The following CHRM3 variants were observed in gnomAD, a reference collection of about 807,000 sequenced individuals.
CHRM3 encodes the protein muscarinic acetylcholine receptor M3.
Under a neutral mutation model 41.8 loss-of-function variants are expected in CHRM3, and 11 were observed. The ratio of observed to expected loss-of-function variants is 0.26; its 90% CI spans 0.17 to 0.44. The LOEUF (loss-of-function observed/expected upper bound fraction) is 0.44. Among genes scored for constraint, CHRM3 ranks in the 20% least tolerant of loss-of-function variants. CHRM3 has a pLI of 1.00. For missense variants in CHRM3, 571 were observed against 745.4 expected, an observed-to-expected ratio of 0.77 and a Z score of 2.72; for synonymous variants, 297 against 301.4, an observed-to-expected ratio of 0.99 and a Z score of 0.15.
chr1:239,573,129 C>T (rs554742791), intron 3 of CHRM3, among the ~76,000 whole-genome samples: 19 of 152,258 alleles, frequency 1.2e-4, no homozygotes, highest in African/African-American at 4.1e-4. Flanking sequence ...CCCATCGCCA[C>T]GAGGCTGCCT....
intron 2 of CHRM3, among the ~76,000 whole-genome samples, chr1:239,504,907 TGGG>T (rs1668467308): frequency 6.7e-6 from 1 of 148,984 alleles, no homozygotes; most frequent in African/African-American, 2.5e-5. Flanking sequence ...TTTGGGGACT[TGGG>T]GGGAAGGGTG....
chr1:239,570,251 C>T (rs551698312), intron 3 of CHRM3, among the ~76,000 whole-genome samples: 1 of 152,256 alleles, frequency 6.6e-6, no homozygotes, highest in Admixed American at 6.5e-5. Context: ...TTCTGTCCTT[C>T]CTGCCACCTT....
At chr1:239,722,649 A>G (rs939979954) in intron 5 of CHRM3, among the ~76,000 whole-genome samples, 4 of 151,914 alleles carry the variant, frequency 2.6e-5, no homozygotes, top group African/African-American at 9.7e-5. Context: ...GACAATCTTC[A>G]TTATGTTAAA....
chr1:239,572,193 C>A (rs1262787328), intron 3 of CHRM3, among the ~76,000 whole-genome samples: 4 of 152,104 alleles, frequency 2.6e-5, no homozygotes, highest in Non-Finnish European at 5.9e-5. Flanking sequence ...GATGCAGGCA[C>A]GAGAAGGAGA....
At chr1:239,459,353 T>G (rs558868358) in intron 1 of CHRM3, among the ~76,000 whole-genome samples, 2 of 152,280 alleles carry the variant, frequency 1.3e-5, no homozygotes, top group African/African-American at 4.8e-5. Context: ...GAAAATACAT[T>G]GGATTTAAAA....
intron 5 of CHRM3, among the ~76,000 whole-genome samples, chr1:239,776,160 A>G (rs1293000099): frequency 2.0e-5 from 3 of 152,130 alleles, no homozygotes; most frequent in Admixed American, 6.6e-5. Flanking sequence ...TTACTCTCAT[A>G]GATGCATAAT....
At chr1:239,829,394 G>A (rs896081750) in intron 6 of CHRM3, among the ~76,000 whole-genome samples, 2 of 139,802 alleles carry the variant, frequency 1.4e-5, no homozygotes, top group Middle Eastern at 3.8e-3. Context: ...TTGACTGCAA[G>A]GACTGAATGA....
At chr1:239,882,232 A>G (rs565879092) in intron 6 of CHRM3, among the ~76,000 whole-genome samples, 1 of 152,284 alleles carries the variant, frequency 6.6e-6, no homozygotes, top group African/African-American at 2.4e-5. Flanking sequence ...AACCGTGAGG[A>G]AAACTGAGGC....
At chr1:239,645,423 A>G (rs1275127310) in intron 4 of CHRM3, among the ~76,000 whole-genome samples, 2 of 152,260 alleles carry the variant, frequency 1.3e-5, no homozygotes, top group Non-Finnish European at 1.5e-5. Flanking sequence ...ATTAAAAACC[A>G]ATATTCACCT....
At chr1:239,829,816 C>T (rs1349665800) in intron 6 of CHRM3, among the ~76,000 whole-genome samples, 3 of 152,216 alleles carry the variant, frequency 2.0e-5, no homozygotes, top group Admixed American at 6.5e-5. Context: ...GTAGTACTTC[C>T]CTCAGAGCCT....
At chr1:239,634,375 AC>A (rs1357068383) in intron 4 of CHRM3, among the ~76,000 whole-genome samples, 3 of 96,956 alleles carry the variant, frequency 3.1e-5, no homozygotes, top group African/African-American at 8.3e-5. Context: ...GCAAGAACAA[AC>A]GAAAGAAAGA....
chr1:239,647,367 T>G (rs1180456558), intron 4 of CHRM3, among the ~76,000 whole-genome samples: 1 of 152,200 alleles, frequency 6.6e-6, no homozygotes, highest in Admixed American at 6.5e-5. Flanking sequence ...ACTATTGACC[T>G]TTTGAAATTC....
At chr1:239,694,566 T>C (rs1265398269) in intron 5 of CHRM3, among the ~76,000 whole-genome samples, 1 of 152,246 alleles carries the variant, frequency 6.6e-6, no homozygotes, top group Non-Finnish European at 1.5e-5. Context: ...TTTGGCTGTT[T>C]GGTGTATAAC....
chr1:239,871,699 A>C (rs1350083784), intron 6 of CHRM3, among the ~76,000 whole-genome samples: 2 of 152,146 alleles, frequency 1.3e-5, no homozygotes, highest in Admixed American at 6.5e-5. Flanking sequence ...GTATAGGTAC[A>C]TGCAGTTTAC....
chr1:239,804,489 T>C lies in CHRM3; in HGVS notation c.-146-22763T>C, dbSNP rs533087338. ...TGAGCTACATTGTTTCCGCTCTGTG[T>C]AGGCGGAGGTCCTGCCTACCACTTA... On this transcript the variant is annotated intron_variant, in intron 5 of 6. Coordinates refer to ENST00000676153, the MANE Select transcript of CHRM3 (RefSeq NM_001375978.1). Among the ~76,000 whole-genome samples the C allele has an allele frequency of 9.8e-5, 15 of 152,312 alleles. 1 individual carries two copies. In the South Asian group the frequency reaches 2.9e-3, roughly 30 times the overall value.
At chr1:239,721,199 C>A (rs1446275867) in intron 5 of CHRM3, among the ~76,000 whole-genome samples, 1 of 151,770 alleles carries the variant, frequency 6.6e-6, no homozygotes, top group Non-Finnish European at 1.5e-5. Flanking sequence ...TAAAAGAGTA[C>A]AGAGTCTCTC....
intron 4 of CHRM3, among the ~76,000 whole-genome samples, chr1:239,644,501 A>G (rs1172831255): frequency 1.3e-5 from 2 of 152,190 alleles, no homozygotes; most frequent in Non-Finnish European, 2.9e-5. Context: ...CACAATGGGA[A>G]TGCATCAGTG....
chr1:239,514,934 A>T lies in CHRM3; in HGVS notation c.-422+22127A>T, dbSNP rs538968807. ...ATTTGAAGGACTCTCTCAATGCATC[A>T]TGTAATCCTCTCTATACCCAAATGT... On this transcript the variant is annotated intron_variant, in intron 2 of 6. Transcript: ENST00000676153. 1.3e-4 allele frequency among the ~76,000 whole-genome samples: 20 copies of T among 152,296 alleles called. No individual in the cohort carries two copies. The South Asian group carries it at 4.1e-3, about 32-fold the overall frequency.
intron 2 of CHRM3, among the ~76,000 whole-genome samples, chr1:239,508,637 TGAGTACGTTCTTAC>T (rs1668727275): frequency 6.6e-6 from 1 of 152,200 alleles, no homozygotes; most frequent in African/African-American, 2.4e-5. Flanking sequence ...ATAATTCCAG[TGAGTACGTTCTTAC>T]GAAATCAGCC....
Sources: gnomAD v4.1 joint callset for allele counts (sites outside exome capture counted in the v4.1 genomes callset) on GRCh38, gnomAD v4.1.1 for gene constraint, MANE v1.5 for transcripts, NCBI Gene and HGNC (gene_info 2026-07-23, HGNC 2026-07-21) for gene names.